The following NFIX variants were observed in gnomAD, a reference collection of about 807,000 sequenced individuals.
NFIX encodes the protein nuclear factor I X, also known as nuclear factor 1 X-type.
A neutral mutation model predicts 53.3 loss-of-function variants in NFIX; 2 were observed. That is an observed-to-expected ratio of 0.04 (90% confidence interval 0.02 to 0.12). The LOEUF (loss-of-function observed/expected upper bound fraction) is 0.12, where lower values mean the gene tolerates loss of function less well. NFIX is among the 10% of genes least tolerant of loss of function. The pLI, the probability that NFIX is intolerant of heterozygous loss-of-function variation, is 1.00. For synonymous variants in NFIX, 244 were observed against 289.0 expected (o/e 0.84, Z 1.58); for missense variants, 310 against 674.5 (o/e 0.46, Z 5.99).
At chr19:13,038,580 A>G (rs2014374127) in intron 2 of NFIX, among the ~76,000 whole-genome samples, 1 of 152,222 alleles carries the variant, frequency 6.6e-6, no homozygotes, top group African/African-American at 2.4e-5. Flanking sequence ...TTCTCATGTC[A>G]TTTATAGAAG....
Position 13,067,197 on chromosome 19 carries a change from C to CT in NFIX, c.560-5850_560-5849insT, listed in dbSNP as rs1283601660. 1.3e-5 allele frequency among the ~76,000 whole-genome samples: 2 copies of CT among 152,180 alleles called. No homozygotes were observed. The highest frequency in any genetic ancestry group is 4.8e-5 in the African/African-American group (2 of 41,426). The stretch of plus-strand genomic sequence containing the variant: ...GGGCCAGTGATTGGCCCCAGAATCG[C>CT]ATCAGCCCTTCAGAGGATGGGGTGT... On this transcript the variant is annotated intron_variant, in intron 2 of 10. Coordinates refer to ENST00000592199, the MANE Select transcript of NFIX (RefSeq NM_001365902.3). The surrounding 1 kb of genome is among the most constrained non-coding windows in gnomAD (Gnocchi z 4.2).
Position 13,067,701 on chromosome 19 carries a change from C to G in NFIX, c.560-5346C>G, listed in dbSNP as rs977106378. 5.3e-5 allele frequency among the ~76,000 whole-genome samples: 8 copies of G among 152,102 alleles called. No individual in the cohort carries two copies. The highest frequency in any genetic ancestry group is 1.9e-4 in the African/African-American group (8 of 41,398). ...CCCCTTTCACAGTACAAGTTTGTTTCGAGCAGGAGCTGAGGGCAGTGTTGG... is the reference window on the plus strand; with the variant it reads ...CCCCTTTCACAGTACAAGTTTGTTTGGAGCAGGAGCTGAGGGCAGTGTTGG... On this transcript the variant is annotated intron_variant, in intron 2 of 10. Coordinates refer to ENST00000592199, the MANE Select transcript of NFIX (RefSeq NM_001365902.3). The surrounding 1 kb of genome is among the most constrained non-coding windows in gnomAD (Gnocchi z 4.2).
intron 6 of NFIX, among the ~76,000 whole-genome samples, chr19:13,077,839 C>A (rs1051173059): frequency 1.7e-4 from 26 of 152,194 alleles, no homozygotes; most frequent in Non-Finnish European, 5.9e-5. Flanking sequence ...AGATGAATTT[C>A]TAAAGACAGA....
Position 13,088,962 on chromosome 19 carries a change from G to A in NFIX, c.1402+826G>A, listed in dbSNP as rs747730236. 2.6e-5 allele frequency among the ~76,000 whole-genome samples: 4 copies of A among 152,058 alleles called. No individual in the cohort carries two copies. Among genetic ancestry groups the A allele is most frequent in the Non-Finnish European group, 5.9e-5 (4 of 67,988 alleles). ...GCGTGAAGGACAGGAGGATGGGGCG[G>A]GTGCTGTCTGTGGGCCAGGGTGGGC... On this transcript the variant is annotated intron_variant, in intron 9 of 10. Transcript: ENST00000592199. The surrounding 1 kb of genome is among the most constrained non-coding windows in gnomAD (Gnocchi z 5.9).
chr19:13,050,655 A>T (rs1197323583), intron 2 of NFIX, among the ~76,000 whole-genome samples: 4 of 152,172 alleles, frequency 2.6e-5, no homozygotes, highest in African/African-American at 9.7e-5. Context: ...GCAGACATAC[A>T]AATGAATATA....
rs2018267486 is a variant in NFIX, at chr19:13,093,587, A to G, written c.1495-1048A>G. ...GCCCGAGGGCTGTGTGGCCTCAGGC[A>G]GGTCACGTACCCCCTCTGTGCCTAG... On this transcript the variant is annotated intron_variant, in intron 10 of 10. Coordinates refer to ENST00000592199, the MANE Select transcript of NFIX (RefSeq NM_001365902.3). This position sits in a 1 kb window ranked among gnomAD's most constrained non-coding sequence, Gnocchi z 4.7. Among the ~76,000 whole-genome samples the G allele has an allele frequency of 6.6e-6, 1 of 152,188 alleles. No homozygotes were observed. The highest frequency in any genetic ancestry group is 2.4e-5 in the African/African-American group (1 of 41,448).
rs908568767 is a variant in NFIX at position 13,027,401 on chromosome 19, T to G, written c.559+1849T>G. ...ACAGCAAGCCAGATTTGGGAGGGTG[T>G]GTGCCTGGTAGTATTGGAGGTGACT... On this transcript the variant is annotated intron_variant, in intron 2 of 10. Transcript: ENST00000592199. The surrounding 1 kb of genome is among the most constrained non-coding windows in gnomAD (Gnocchi z 4.3). Among the ~76,000 whole-genome samples, 1 of 152,184 alleles carries G rather than the reference T, an allele frequency of 6.6e-6. No individual in the cohort carries two copies. The highest frequency in any genetic ancestry group is 2.4e-5 in the African/African-American group (1 of 41,430).
intron 10 of NFIX, among the ~76,000 whole-genome samples, chr19:13,091,593 T>C (rs187581498): frequency 1.3e-3 from 191 of 152,084 alleles, no homozygotes; most frequent in Non-Finnish European, 1.8e-3. Context: ...GAACTTGAAC[T>C]TGGGGGTGCT....
Position 12,996,142 on chromosome 19 carries a change from CGTGT to C in NFIX, c.27+304_27+307del, listed in dbSNP as rs3046151. Among the ~76,000 whole-genome samples, 6,523 of 145,572 alleles carry C rather than the reference CGTGT, an allele frequency of 0.045. 440 individuals carry two copies. The highest frequency in any genetic ancestry group is 0.14 in the African/African-American group (5,758 of 39,894). On this transcript the variant is annotated intron_variant, in intron 1 of 10. Transcript: ENST00000592199. This position sits in a 1 kb window ranked among gnomAD's most constrained non-coding sequence, Gnocchi z 5.2. ...TGGAGCGCAGGCGGGAGTGCGTGTACGTGTGTGTGTGTGTGTGTGTGTGTGTGTG... is the reference window on the plus strand; with the variant it reads ...TGGAGCGCAGGCGGGAGTGCGTGTACGTGTGTGTGTGTGTGTGTGTGTGTG...
Position 13,072,317 on chromosome 19 carries a change from G to A in NFIX, c.560-730G>A, listed in dbSNP as rs2016822656. Among the ~76,000 whole-genome samples, 1 of 152,202 alleles carries A rather than the reference G, an allele frequency of 6.6e-6. No individual in the cohort carries two copies. The highest frequency in any genetic ancestry group is 1.5e-5 in the Non-Finnish European group (1 of 68,034). On this transcript the variant is annotated intron_variant, in intron 2 of 10. Transcript: ENST00000592199. The surrounding 1 kb of genome is among the most constrained non-coding windows in gnomAD (Gnocchi z 4.0). ...CCTCTGTGAGCTCCCACTGCACAAT[G>A]AGCCCTTGTCTCGGGGCTCCCTCTG...
rs1179385474 is a variant in NFIX at position 13,068,109 on chromosome 19, A to AC, written c.560-4938_560-4937insC. Among the ~76,000 whole-genome samples the AC allele has an allele frequency of 1.3e-5, 2 of 152,020 alleles. No individual in the cohort carries two copies. Among genetic ancestry groups the AC allele is most frequent in the African/African-American group, 4.8e-5 (2 of 41,390 alleles). Reference sequence around the variant, plus strand: ...GACAGAGCAAGACTCCATCTCAAAAAAAAAACAAAAACAAAAACAAAAAAC... The same window carrying AC: ...GACAGAGCAAGACTCCATCTCAAAAACAAAAACAAAAACAAAAACAAAAAAC... On this transcript the variant is annotated intron_variant, in intron 2 of 10. Coordinates refer to ENST00000592199, the MANE Select transcript of NFIX (RefSeq NM_001365902.3). This position sits in a 1 kb window ranked among gnomAD's most constrained non-coding sequence, Gnocchi z 4.2.
At chr19:13,007,953 T>A (rs2012119689) in intron 1 of NFIX, among the ~76,000 whole-genome samples, 1 of 152,064 alleles carries the variant, frequency 6.6e-6, no homozygotes, top group African/African-American at 2.4e-5. Flanking sequence ...CAGACACACA[T>A]AGGCCTGTGC....
chr19:13,062,563 CT>C (rs997177513), intron 2 of NFIX, among the ~76,000 whole-genome samples: 42 of 152,328 alleles, frequency 2.8e-4, no homozygotes, highest in African/African-American at 8.9e-4. Flanking sequence ...CCTGAGTGGC[CT>C]GGTGGCCAGG....
intron 2 of NFIX, among the ~76,000 whole-genome samples, chr19:13,057,211 T>C (rs1444586330): frequency 2.0e-5 from 3 of 152,168 alleles, no homozygotes; most frequent in African/African-American, 7.2e-5. Context: ...CAGTGGGACC[T>C]TCCCCTCCTC....
At chr19:13,042,417 C>T (rs551195868) in intron 2 of NFIX, among the ~76,000 whole-genome samples, 55 of 135,070 alleles carry the variant, frequency 4.1e-4, no homozygotes, top group African/African-American at 1.6e-3. Flanking sequence ...TGCAGTGGCA[C>T]TATCTCAGCT....
At chr19:13,017,394 A>C (rs1268189478) in intron 1 of NFIX, among the ~76,000 whole-genome samples, 1 of 152,236 alleles carries the variant, frequency 6.6e-6, no homozygotes, top group Non-Finnish European at 1.5e-5. Context: ...CTAAAATTGT[A>C]CATTTTGGGG....
rs1043153759 is a variant in NFIX at position 13,011,193 on chromosome 19, C to A, written c.28-13828C>A. Among the ~76,000 whole-genome samples, 1 of 152,186 alleles carries A rather than the reference C, an allele frequency of 6.6e-6. No homozygotes were observed. Among genetic ancestry groups the A allele is most frequent in the African/African-American group, 2.4e-5 (1 of 41,442 alleles). Reference sequence around the variant, plus strand: ...CGTTCTTAAAGACCGGGGACCCCCCCTCCCCCAAGGGCCGGACTGCAGCTC... The same window carrying A: ...CGTTCTTAAAGACCGGGGACCCCCCATCCCCCAAGGGCCGGACTGCAGCTC... On this transcript the variant is annotated intron_variant, in intron 1 of 10. Transcript: ENST00000592199. This position sits in a 1 kb window ranked among gnomAD's most constrained non-coding sequence, Gnocchi z 6.5.
At chr19:13,053,074 A>C (rs2015426626) in intron 2 of NFIX, among the ~76,000 whole-genome samples, 1 of 152,204 alleles carries the variant, frequency 6.6e-6, no homozygotes, top group South Asian at 2.1e-4. Flanking sequence ...CATGTCTGGC[A>C]GGAGATGGCC....
In NFIX at chr19:13,093,159, A is replaced by G. The variant is rs2018245666; in HGVS notation, c.1495-1476A>G. On this transcript the variant is annotated intron_variant, in intron 10 of 10. Coordinates refer to ENST00000592199, the MANE Select transcript of NFIX (RefSeq NM_001365902.3). This position sits in a 1 kb window ranked among gnomAD's most constrained non-coding sequence, Gnocchi z 4.7. ...TTAGTTCCTCAGTTACAGTAGCCACATTTCAAGTGCTTAGAAACCACTTGT... is the reference window on the plus strand; with the variant it reads ...TTAGTTCCTCAGTTACAGTAGCCACGTTTCAAGTGCTTAGAAACCACTTGT... Among the ~76,000 whole-genome samples the G allele has an allele frequency of 6.6e-6, 1 of 152,238 alleles. No homozygotes were observed. The highest frequency in any genetic ancestry group is 2.4e-5 in the African/African-American group (1 of 41,452).
Sources: gnomAD v4.1 joint callset for allele counts (sites outside exome capture counted in the v4.1 genomes callset) on GRCh38, gnomAD v4.1.1 for gene constraint, Gnocchi (gnomAD v3.1) non-coding constraint, MANE v1.5 for transcripts, NCBI Gene and HGNC (gene_info 2026-07-23, HGNC 2026-07-21) for gene names.